The following SH2D3A variants were observed in gnomAD, a reference collection of about 807,000 sequenced individuals.
The protein encoded by SH2D3A is SH2 domain-containing protein 3A.
In SH2D3A, 46 loss-of-function variants were observed where a neutral mutation model predicts 50.6. That is an observed-to-expected ratio of 0.91 (90% confidence interval 0.72 to 1.16). The LOEUF (loss-of-function observed/expected upper bound fraction) is 1.16. SH2D3A is among the 50% of genes most tolerant of loss of function. The pLI, the probability that SH2D3A is intolerant of heterozygous loss-of-function variation, is 0.00. For synonymous variants in SH2D3A, 377 were observed against 348.4 expected, an observed-to-expected ratio of 1.08 and a Z score of -0.91; for missense variants, 783 against 786.2, an observed-to-expected ratio of 1.00 and a Z score of 0.05.
chr19:6,763,682 G>A lies in SH2D3A; in HGVS notation c.67C>T (p.Gln23Ter), dbSNP rs1052318330. The change falls in exon 2 of 10, where the codon CAG becomes TAG. Residue 23 changes from glutamine to a stop codon, truncating the protein, a stop_gained and splice_region_variant. Transcript: ENST00000245908. LOFTEE classifies it high-confidence loss of function. ...QPWYHGLLSR[Q>*]KAEALLQQNG... Reference sequence around the variant, plus strand: ...TGAGGTCCTGCTGTGGGTGGTACCTGGCGGGACAGGAGGCCGTGGTACCAA... The same window carrying A: ...TGAGGTCCTGCTGTGGGTGGTACCTAGCGGGACAGGAGGCCGTGGTACCAA... 6.8e-6 allele frequency: 11 copies of A among 1,612,042 alleles called. No individual in the cohort carries two copies. In the African/African-American group the frequency reaches 1.2e-4, roughly 18 times the overall value.
chr19:6,753,513 G>A lies in SH2D3A; in HGVS notation c.1513C>T (p.Arg505Cys). The A allele has an allele frequency of 6.4e-7, 1 of 1,557,074 alleles. No homozygotes were observed. Among genetic ancestry groups the A allele is most frequent in the Non-Finnish European group, 8.7e-7 (1 of 1,150,962 alleles). Residue 505 changes from arginine to cysteine, a missense_variant, in exon 9 of 10, where the codon CGT (arginine) becomes TGT (cysteine). By Grantham distance (180) the Arg-to-Cys change is radical. Transcript: ENST00000245908. ...ERLLRTLHGA[R>C]HMVRDAPKFR... is the part of the protein sequence containing the mutation. ...TTGGGTGCGTCCCGGACCATGTGACGCGCCCCGTGCAGGGTGCGCAACAGC... is the reference window on the plus strand; with the variant it reads ...TTGGGTGCGTCCCGGACCATGTGACACGCCCCGTGCAGGGTGCGCAACAGC...
At chr19:6,763,850 G>A (rs1970162517) in intron 1 of SH2D3A, 34 bp from the exon 2 acceptor site, 3 of 736,026 alleles carry the variant, frequency 4.1e-6, no homozygotes, top group Non-Finnish European at 6.5e-6. Flanking sequence ...CTGCTTGAGT[G>A]TCTGGGTCAG....
chr19:6,764,063 C>A (rs1056008091), intron 1 of SH2D3A: 24 of 174,394 alleles, frequency 1.4e-4, no homozygotes, highest in African/African-American at 5.5e-4. Context: ...CAGGCATGCA[C>A]CACCACACCC....
chr19:6,761,972 A>AAC (rs1970047604), intron 2 of SH2D3A, among the ~76,000 whole-genome samples: 2 of 151,190 alleles, frequency 1.3e-5, no homozygotes, highest in South Asian at 4.2e-4. Context: ...AAACAAAAAA[A>AAC]AAAACAAAAA....
chr19:6,756,014 T>C (rs965125996), intron 4 of SH2D3A, among the ~76,000 whole-genome samples: 1 of 149,514 alleles, frequency 6.7e-6, no homozygotes, highest in Admixed American at 6.7e-5. Flanking sequence ...GAGGCTGCAG[T>C]GAGGTATGAC....
At position 6,752,628 on chromosome 19, in the gene SH2D3A, C is replaced by G. The variant is rs1205911033; in HGVS notation, c.1696G>C (p.Gly566Arg). The change falls in exon 10 of 10, where the codon GGC (glycine) becomes CGC (arginine). Residue 566 changes from glycine (G) to arginine (R), a missense_variant. Gly to Arg is a moderately radical substitution (Grantham distance 125, BLOSUM62 -2). Transcript: ENST00000245908. ...ERFEKFQRVL[G>R]VLSQRLEPDR ...GGCTCCAGGCGCTGCGACAGGACGC[C>G]GAGGACGCGCTGGAACTTCTCAAAG... is the stretch of plus-strand genomic sequence containing the variant. 2 of 1,558,352 alleles carry G rather than the reference C, an allele frequency of 1.3e-6. No homozygotes were observed. The highest frequency in any genetic ancestry group is 1.7e-6 in the Non-Finnish European group (2 of 1,150,432).
chr19:6,760,642 G>A lies in SH2D3A; in HGVS notation c.415C>T (p.Leu139Phe). 6.4e-7 allele frequency: 1 copy of A among 1,567,650 alleles called. No individual in the cohort carries two copies. The highest frequency in any genetic ancestry group is 2.3e-5 in the East Asian group (1 of 44,216). Reference sequence around the variant, plus strand: ...AGGCAGGGAGACTGTGAGTACCTGAGAGGCTCTATCCGAGCTGGGCCATCC... The same window carrying A: ...AGGCAGGGAGACTGTGAGTACCTGAAAGGCTCTATCCGAGCTGGGCCATCC... ...LMDGPARIEP[L>F]RARKWSNSQP... Residue 139 changes from leucine to phenylalanine, a missense_variant, in exon 3 of 10, where the codon CTC (leucine) becomes TTC (phenylalanine). Leu to Phe is a conservative substitution (Grantham distance 22). Coordinates refer to ENST00000245908, the MANE Select transcript of SH2D3A (RefSeq NM_005490.3).
At chr19:6,753,249 G>A (rs937693927) in intron 9 of SH2D3A, 71 of 985,306 alleles carry the variant, frequency 7.2e-5, no homozygotes, top group Non-Finnish European at 8.2e-5. Context: ...CCGTTTTGAG[G>A]TGGACGGCCC....
At chr19:6,757,108 G>T (rs750879243) in intron 4 of SH2D3A, among the ~76,000 whole-genome samples, 6 of 151,852 alleles carry the variant, frequency 4.0e-5, no homozygotes, top group East Asian at 3.9e-4. Flanking sequence ...CTCGTGATCC[G>T]CCCGCTTTGG....
chr19:6,759,127 T>G (rs1334708813), intron 4 of SH2D3A: 4 of 162,582 alleles, frequency 2.5e-5, no homozygotes, highest in Non-Finnish European at 5.4e-5. Context: ...CTTTTTTTTT[T>G]TTTTGAGATG....
At chr19:6,765,746 T>TAAAA (rs1251004918) in intron 1 of SH2D3A, among the ~76,000 whole-genome samples, 1 of 81,212 alleles carries the variant, frequency 1.2e-5, no homozygotes, top group African/African-American at 7.0e-5. Flanking sequence ...AGACTCCGTC[T>TAAAA]CAAAAAAAAA....
intron 9 of SH2D3A, 98 bp from the exon 10 acceptor site, chr19:6,752,851 C>T: frequency 7.0e-7 from 1 of 1,422,242 alleles, no homozygotes; most frequent in Non-Finnish European, 9.2e-7. Context: ...GACTTTGACC[C>T]AACAGGGGCC....
intron 2 of SH2D3A, among the ~76,000 whole-genome samples, chr19:6,762,257 C>T (rs1304274238): frequency 6.6e-6 from 1 of 152,058 alleles, no homozygotes; most frequent in Non-Finnish European, 1.5e-5. Flanking sequence ...AATCTCGGCT[C>T]ACTGCAACCT....
rs1168452453 is a variant in SH2D3A, at chr19:6,752,364, A to G, written c.*229T>C. 7.5e-6 allele frequency: 3 copies of G among 398,518 alleles called. No homozygotes were observed. Among genetic ancestry groups the G allele is most frequent in the Non-Finnish European group, 1.3e-5 (3 of 226,288 alleles). The allele number at this position is 398,518 out of a possible 1,614,324, so 24.7% of individuals were successfully genotyped here. A position where few individuals can be genotyped will look rare whatever the true frequency, so the allele number is the denominator to read the frequency against. On this transcript the variant is annotated 3_prime_UTR_variant, in exon 10 of 10. Coordinates refer to ENST00000245908, the MANE Select transcript of SH2D3A (RefSeq NM_005490.3). ...GAGGTGAAGTCAACTGCTAGAAATCACGGCTTTTAAGAGGTGGAGTCACAT... is the reference window on the plus strand; with the variant it reads ...GAGGTGAAGTCAACTGCTAGAAATCGCGGCTTTTAAGAGGTGGAGTCACAT...
At position 6,752,613 on chromosome 19, in the gene SH2D3A, G is replaced by A. The variant is rs771641226; in HGVS notation, c.1711C>T (p.Arg571Cys). The A allele has an allele frequency of 6.4e-7, 1 of 1,560,268 alleles. No individual in the cohort carries two copies. The highest frequency in any genetic ancestry group is 8.7e-7 in the Non-Finnish European group (1 of 1,151,718). ...CGCTCTCAGCGGTCAGGCTCCAGGC[G>A]CTGCGACAGGACGCCGAGGACGCGC... ...FQRVLGVLSQ[R>C]LEPDR is the part of the protein sequence containing the mutation. The change falls in exon 10 of 10, where the codon CGC (arginine) becomes TGC (cysteine). Residue 571 changes from arginine to cysteine, a missense_variant. Arg to Cys is a radical substitution (Grantham distance 180). Transcript: ENST00000245908.
chr19:6,764,440 C>G (rs987400720), intron 1 of SH2D3A: 1 of 152,058 alleles, frequency 6.6e-6, no homozygotes, highest in African/African-American at 2.4e-5. Flanking sequence ...CTGAAGATGA[C>G]AACATGCCAC....
chr19:6,754,123 C>G lies in SH2D3A; in HGVS notation c.1313G>C (p.Ser438Thr). 1 of 1,613,618 alleles carries G rather than the reference C, an allele frequency of 6.2e-7. No individual in the cohort carries two copies. Among genetic ancestry groups the G allele is most frequent in the Non-Finnish European group, 8.5e-7 (1 of 1,179,810 alleles). ...AAAGGCCAGCGCAGCCTCCGTGTGG[C>G]TCCTTCGGAGCTGGCGCCACGTGTG... is the stretch of plus-strand genomic sequence containing the variant. The part of the protein sequence containing the change: ...LEHTWRQLRR[S>T]HTEAALAFEQ... Residue 438 changes from serine (S) to threonine (T), a missense_variant, in exon 8 of 10, where the codon AGC (serine) becomes ACC (threonine). Coordinates refer to ENST00000245908, the MANE Select transcript of SH2D3A (RefSeq NM_005490.3).
rs977326387 is a variant in SH2D3A at position 6,763,805 on chromosome 19, A to G, written c.-57T>C. The G allele has an allele frequency of 2.1e-6, 3 of 1,416,472 alleles. No individual in the cohort carries two copies. The highest frequency in any genetic ancestry group is 1.8e-5 in the Admixed American group (1 of 54,760). 87.7% of individuals were successfully genotyped at this position (1,416,472 alleles called of 1,614,324 possible). A position where few individuals can be genotyped will look rare whatever the true frequency, so the allele number is the denominator to read the frequency against. ...GAGCTCTGCACTTTCAACAGGCCTC[A>G]GTCTTCCACATCTGTAAAAGGGGAA... On this transcript the variant is annotated 5_prime_UTR_variant, in exon 2 of 10. Transcript: ENST00000245908.
intron 2 of SH2D3A, among the ~76,000 whole-genome samples, chr19:6,762,001 G>A (rs1165355548): frequency 6.6e-6 from 1 of 151,510 alleles, no homozygotes; most frequent in Non-Finnish European, 1.5e-5. Flanking sequence ...GGGGAGGCAG[G>A]TAGAAGGGCC....
Sources: gnomAD v4.1 joint callset for allele counts (sites outside exome capture counted in the v4.1 genomes callset) on GRCh38, gnomAD v4.1.1 for gene constraint, MANE v1.5 for transcripts, NCBI Gene and HGNC (gene_info 2026-07-23, HGNC 2026-07-21) for gene names.